The following NEU4 variants were observed in gnomAD, a reference collection of about 807,000 sequenced individuals.
The protein encoded by NEU4 is neuraminidase 4.
In NEU4, 7 loss-of-function variants were observed where a neutral mutation model predicts 9.9. The ratio of observed to expected loss-of-function variants is 0.71; its 90% CI spans 0.40 to 1.33. The LOEUF (loss-of-function observed/expected upper bound fraction) is 1.33, where lower values mean the gene tolerates loss of function less well. Among genes scored for constraint, NEU4 ranks in the 40% most tolerant of loss-of-function variants. The pLI, the probability that NEU4 is intolerant of heterozygous loss-of-function variation, is 0.01. For synonymous variants in NEU4, 348 were observed against 316.9 expected, an observed-to-expected ratio of 1.10 and a Z score of -1.04; for missense variants, 717 against 712.6, an observed-to-expected ratio of 1.01 and a Z score of -0.07.
At chr2:241,811,455 G>A in intron 1 of NEU4, 1 of 1,569,202 alleles carries the variant, frequency 6.4e-7, no homozygotes, top group Non-Finnish European at 8.7e-7. Context: ...CCTTCCCAAG[G>A]TGGCTGGTGA....
chr2:241,816,721 G>C lies in NEU4; in HGVS notation c.1128G>C (p.Thr376=). 6.4e-7 allele frequency: 1 copy of C among 1,554,656 alleles called. No individual in the cohort carries two copies. Among genetic ancestry groups the C allele is most frequent in the African/African-American group, 1.4e-5 (1 of 73,480 alleles). The change falls in exon 4 of 4, where the codon ACG becomes ACC. Residue 376 remains threonine (T), a synonymous_variant. Coordinates refer to ENST00000407683, the MANE Select transcript of NEU4 (RefSeq NM_001167600.3). ...MPFAAPPQSP[T]WLLYSHPVGR... is the part of the protein sequence containing the mutation. Reference sequence around the variant, plus strand: ...TTGCTGCCCCGCCCCAGAGCCCCACGTGGCTGCTGTACTCCCACCCAGTGG... The same window carrying C: ...TTGCTGCCCCGCCCCAGAGCCCCACCTGGCTGCTGTACTCCCACCCAGTGG...
intron 1 of NEU4, chr2:241,809,959 A>G (rs913094763): frequency 2.0e-5 from 3 of 152,734 alleles, no homozygotes; most frequent in Admixed American, 6.5e-5. Flanking sequence ...GTTTCCCTGT[A>G]AGCCTGGGTA....
rs1359936993 is a variant in NEU4, at chr2:241,813,388, C to T, written c.-3-1094C>T. ...CTGGGCGGCTGGCCGTGGATCTGAC[C>T]GCTCCTGCATGGTGGAGGACCAGCG... On this transcript the variant is annotated intron_variant, in intron 1 of 3. Transcript: ENST00000407683. 7 of 1,051,556 alleles carry T rather than the reference C, an allele frequency of 6.7e-6. No individual in the cohort carries two copies. In the South Asian group the frequency reaches 7.6e-5, roughly 11 times the overall value. The allele number at this position is 1,051,556 out of a possible 1,614,324, so 65.1% of individuals were successfully genotyped here. A position where few individuals can be genotyped will look rare whatever the true frequency, so the allele number is the denominator to read the frequency against.
At position 241,815,756 on chromosome 2, in the gene NEU4, A is replaced by T. The variant is rs1700304526; in HGVS notation, c.458-295A>T. 5 of 575,056 alleles carry T rather than the reference A, an allele frequency of 8.7e-6. No individual in the cohort carries two copies. The Admixed American group carries it at 1.5e-4, about 17-fold the overall frequency. The allele number at this position is 575,056 out of a possible 1,614,324, so 35.6% of individuals were successfully genotyped here. ...CAGCAGACACATGGCCAACCCAGGG[A>T]CCCCACTGCAGGGCCTCATGCCCCC... On this transcript the variant is annotated intron_variant, in intron 3 of 3. Coordinates refer to ENST00000407683, the MANE Select transcript of NEU4 (RefSeq NM_001167600.3).
rs1228711721 is a variant in NEU4 at position 241,816,302 on chromosome 2, C to T, written c.709C>T (p.Leu237Phe). The change falls in exon 4 of 4, where the codon CTC becomes TTC. Residue 237 changes from leucine to phenylalanine, a missense_variant. Physicochemically the swap from Leu to Phe is conservative, Grantham distance 22. Coordinates refer to ENST00000407683, the MANE Select transcript of NEU4 (RefSeq NM_001167600.3). ...GGACGGTGGGCAGGCCGGCAGCTTC[C>T]TCTACTGCAATGCCCGGAGCCCACT... is the stretch of plus-strand genomic sequence containing the variant. ...AVDGGQAGSF[L>F]YCNARSPLGS... The T allele has an allele frequency of 6.3e-7, 1 of 1,577,150 alleles. No individual in the cohort carries two copies. Among genetic ancestry groups the T allele is most frequent in the East Asian group, 2.3e-5 (1 of 42,680 alleles).
At chr2:241,815,513 T>TC (rs1018792174) in intron 3 of NEU4, 52 of 504,498 alleles carry the variant, frequency 1.0e-4, no homozygotes, top group Non-Finnish European at 1.5e-4. Context: ...CTCTCTCTCA[T>TC]CCCCCCCGCT....
chr2:241,813,347 G>A, intron 1 of NEU4: 1 of 1,050,200 alleles, frequency 9.5e-7, no homozygotes, highest in Non-Finnish European at 1.2e-6. Flanking sequence ...GCATCCAGGT[G>A]CCCCGTGTGC....
At chr2:241,811,389 G>A in intron 1 of NEU4, 1 of 1,514,788 alleles carries the variant, frequency 6.6e-7, no homozygotes, top group Non-Finnish European at 8.9e-7. Flanking sequence ...CCGCACAGTG[G>A]GCCCTTGTCT....
At chr2:241,811,489 C>A in intron 1 of NEU4, 2 of 1,515,838 alleles carry the variant, frequency 1.3e-6, no homozygotes, top group Non-Finnish European at 8.9e-7. Context: ...GCACCCCCAG[C>A]ACCCTCACCC....
chr2:241,817,111 G>C lies in NEU4; in HGVS notation c.*63G>C. On this transcript the variant is annotated 3_prime_UTR_variant, in exon 4 of 4. Coordinates refer to ENST00000407683, the MANE Select transcript of NEU4 (RefSeq NM_001167600.3). ...GGGGCAGAGGGGTGGAATACGTTGG[G>C]GTGCCCCACGATAGCTGTGGGGGGG... 6.9e-7 allele frequency: 1 copy of C among 1,453,488 alleles called. No homozygotes were observed. Among genetic ancestry groups the C allele is most frequent in the Non-Finnish European group, 9.1e-7 (1 of 1,102,310 alleles). 90.0% of individuals were successfully genotyped at this position (1,453,488 alleles called of 1,614,324 possible). A position where few individuals can be genotyped will look rare whatever the true frequency, so the allele number is the denominator to read the frequency against.
At chr2:241,812,568 AC>A (rs1700163814) in intron 1 of NEU4, among the ~76,000 whole-genome samples, 37 of 57,276 alleles carry the variant, frequency 6.5e-4, no homozygotes, top group African/African-American at 1.5e-3. Context: ...GGGCCTGGCC[AC>A]ACTGAGCACG....
rs1214696827 is a variant in NEU4, at chr2:241,817,342, G to T, written c.*294G>T. 1.4e-5 allele frequency: 6 copies of T among 442,064 alleles called. No individual in the cohort carries two copies. The highest frequency in any genetic ancestry group is 3.9e-5 in the Admixed American group (1 of 25,838). 27.4% of individuals were successfully genotyped at this position (442,064 alleles called of 1,614,324 possible). A position where few individuals can be genotyped will look rare whatever the true frequency, so the allele number is the denominator to read the frequency against. On this transcript the variant is annotated 3_prime_UTR_variant, in exon 4 of 4. Coordinates refer to ENST00000407683, the MANE Select transcript of NEU4 (RefSeq NM_001167600.3). ...GGCGCGGGACCGCAGGTAGCCCAGG[G>T]TGTTGTGGGTGGCAGCACTTGTTTA...
At chr2:241,813,472 G>T in intron 1 of NEU4, 1 of 1,161,890 alleles carries the variant, frequency 8.6e-7, no homozygotes, top group Non-Finnish European at 1.1e-6. Flanking sequence ...CTCACGCTCG[G>T]CTCCGTCTGC....
intron 3 of NEU4, chr2:241,815,729 T>C: frequency 1.8e-6 from 1 of 557,218 alleles, no homozygotes; most frequent in South Asian, 2.0e-5. Context: ...CAGCAGGGAG[T>C]GCAGCAGACA....
Position 241,816,131 on chromosome 2 carries a change from C to T in NEU4, c.538C>T (p.Arg180Cys), listed in dbSNP as rs746318437. The change falls in exon 4 of 4, where the codon CGC becomes TGC. Residue 180 changes from arginine to cysteine, a missense_variant. Transcript: ENST00000407683. Reference sequence around the variant, plus strand: ...CCTGCTGGTACCCGCCTACACCTACCGCGTGGACCGCCGAGAGTGTTTTGG... The same window carrying T: ...CCTGCTGGTACCCGCCTACACCTACTGCGTGGACCGCCGAGAGTGTTTTGG... The part of the protein sequence containing the change: ...GRLLVPAYTY[R>C]VDRRECFGKI... 22 of 1,611,846 alleles carry T rather than the reference C, an allele frequency of 1.4e-5. No individual in the cohort carries two copies. The East Asian group carries it at 1.6e-4, about 11-fold the overall frequency.
chr2:241,810,205 C>T lies in NEU4; in HGVS notation c.-4+931C>T, dbSNP rs1479020582. On this transcript the variant is annotated intron_variant, in intron 1 of 3. Coordinates refer to ENST00000407683, the MANE Select transcript of NEU4 (RefSeq NM_001167600.3). ...CTCCTGGGGCTGTGAGTGCACAGGA[C>T]ACTGGGCCCACAGGCACCTCTGGGG... Among the ~76,000 whole-genome samples the T allele has an allele frequency of 2.6e-5, 4 of 152,290 alleles. No homozygotes were observed. The East Asian group carries it at 5.8e-4, about 22-fold the overall frequency.
chr2:241,816,585 G>A lies in NEU4; in HGVS notation c.992G>A (p.Gly331Asp), dbSNP rs767803059. ...GACCCCCGTGGAGGCCAGGTGCCTG[G>A]TGGGCCCTTCAGCCGTCTGCAGCCT... ...AVDPRGGQVPGGPFSRLQPRG... is the reference protein window; with the variant it reads ...AVDPRGGQVPDGPFSRLQPRG... The change falls in exon 4 of 4, where the codon GGT (glycine) becomes GAT (aspartate). Residue 331 changes from glycine to aspartate, a missense_variant. By Grantham distance (94) the Gly-to-Asp change is moderately conservative. Coordinates refer to ENST00000407683, the MANE Select transcript of NEU4 (RefSeq NM_001167600.3). 1 of 1,602,584 alleles carries A rather than the reference G, an allele frequency of 6.2e-7. No individual in the cohort carries two copies. The highest frequency in any genetic ancestry group is 8.5e-7 in the Non-Finnish European group (1 of 1,175,576).
intron 2 of NEU4, 100 bp from the exon 3 acceptor site, chr2:241,814,792 A>G (rs1700254879): frequency 1.3e-6 from 2 of 1,530,342 alleles, no homozygotes; most frequent in Non-Finnish European, 1.8e-6. Flanking sequence ...TGCCCGAGGT[A>G]GAGATGAGCA....
chr2:241,811,314 C>A, intron 1 of NEU4: 2 of 1,330,836 alleles, frequency 1.5e-6, no homozygotes, highest in South Asian at 2.3e-5. Context: ...TGGAGCCGTG[C>A]CACCGTGGGA....
Sources: gnomAD v4.1 joint callset for allele counts (sites outside exome capture counted in the v4.1 genomes callset) on GRCh38, gnomAD v4.1.1 for gene constraint, MANE v1.5 for transcripts, NCBI Gene and HGNC (gene_info 2026-07-23, HGNC 2026-07-21) for gene names.